Variants in ADAM10 observed in about 807,000 individuals in gnomAD.
ADAM10 encodes ADAM metallopeptidase domain 10.
In ADAM10, 17 loss-of-function variants were observed where a neutral mutation model predicts 90.1. The observed-to-expected ratio is 0.19, with a 90% CI of 0.13 to 0.28. The LOEUF (loss-of-function observed/expected upper bound fraction) is 0.28, where lower values mean the gene tolerates loss of function less well. Among genes scored for constraint, ADAM10 ranks in the 10% least tolerant of loss-of-function variants. The pLI is 1.00. For synonymous variants in ADAM10, 310 were observed against 298.6 expected (o/e 1.04, Z -0.40); for missense variants, 610 against 914.3 (o/e 0.67, Z 4.29).
At chr15:58,637,828 C>G (rs1227662896) in intron 8 of ADAM10, among the ~76,000 whole-genome samples, 1 of 151,956 alleles carries the variant, frequency 6.6e-6, no homozygotes, top group Non-Finnish European at 1.5e-5. Context: ...TTAGGTTGGT[C>G]ACAAAGTTTC....
Position 58,597,580 on chromosome 15 carries a change from T to C in ADAM10, c.2214A>G (p.Arg738=). Residue 738 remains arginine, a synonymous_variant, in exon 16 of 16, where the codon CGA becomes CGG. Transcript: ENST00000260408. The part of the protein sequence containing the change: ...PIQQPQRQRP[R]ESYQMGHMRR ...TCATGTGTCCCATTTGATAACTCTC[T>C]CGGGGCCGCTGACGCTGGGGTTGCT... 2 of 1,614,124 alleles carry C rather than the reference T, an allele frequency of 1.2e-6. No homozygotes were observed. Among genetic ancestry groups the C allele is most frequent in the Non-Finnish European group, 1.7e-6 (2 of 1,180,020 alleles).
intron 4 of ADAM10, among the ~76,000 whole-genome samples, chr15:58,675,166 C>A (rs1313221232): frequency 1.3e-5 from 2 of 152,196 alleles, no homozygotes; most frequent in African/African-American, 4.8e-5. Context: ...CCACTGCACT[C>A]CAGCCTGGGC....
intron 1 of ADAM10, among the ~76,000 whole-genome samples, chr15:58,746,934 C>T (rs1267813190): frequency 2.6e-5 from 4 of 152,196 alleles, no homozygotes; most frequent in Non-Finnish European, 5.9e-5. Flanking sequence ...GAAAGTTTAA[C>T]TGCTTAAGCT....
chr15:58,625,659 T>C (rs1566971607), intron 10 of ADAM10, among the ~76,000 whole-genome samples: 2 of 152,190 alleles, frequency 1.3e-5, no homozygotes, highest in South Asian at 4.1e-4. Flanking sequence ...TGGGAGCATT[T>C]ATCTCAAAGT....
intron 5 of ADAM10, among the ~76,000 whole-genome samples, chr15:58,656,789 T>TATACCATCATATAA (rs1896839720): frequency 6.6e-6 from 1 of 152,196 alleles, no homozygotes. Context: ...ACCAATGAGT[T>TATACCATCATATAA]TTGTACCATC....
At chr15:58,690,256 A>C (rs12442956) in intron 2 of ADAM10, among the ~76,000 whole-genome samples, 40 of 152,022 alleles carry the variant, frequency 2.6e-4, no homozygotes, top group African/African-American at 9.2e-4. Context: ...ATAAAATGCA[A>C]CTACAAACTC....
At chr15:58,711,512 T>C (rs1898472352) in intron 2 of ADAM10, among the ~76,000 whole-genome samples, 1 of 152,170 alleles carries the variant, frequency 6.6e-6, no homozygotes, top group Admixed American at 6.5e-5. Flanking sequence ...ACACTACTCC[T>C]TTCTCCATCC....
At chr15:58,640,685 A>T in intron 8 of ADAM10, 92 bp downstream of exon 8, 1 of 1,215,876 alleles carries the variant, frequency 8.2e-7, no homozygotes, top group Non-Finnish European at 1.2e-6. Flanking sequence ...TACAGGCATC[A>T]CTTTCTCCTA....
At chr15:58,649,482 C>T (rs1896630967) in intron 5 of ADAM10, among the ~76,000 whole-genome samples, 1 of 152,094 alleles carries the variant, frequency 6.6e-6, no homozygotes, top group South Asian at 2.1e-4. Flanking sequence ...GCAATCTTTT[C>T]AACAGGAAAA....
At chr15:58,740,544 T>C (rs1465922627) in intron 1 of ADAM10, among the ~76,000 whole-genome samples, 1 of 152,212 alleles carries the variant, frequency 6.6e-6, no homozygotes, top group African/African-American at 2.4e-5. Flanking sequence ...GCGTTTTAAC[T>C]ACACTTTACA....
intron 10 of ADAM10, among the ~76,000 whole-genome samples, chr15:58,627,172 C>A (rs1394095578): frequency 6.6e-6 from 1 of 152,010 alleles, no homozygotes; most frequent in African/African-American, 2.4e-5. Context: ...CAGCCTTCCA[C>A]AGAAGGGTAT....
intron 8 of ADAM10, 136 bp from the exon 9 acceptor site, chr15:58,633,495 G>A (rs1896158020): frequency 1.3e-6 from 1 of 755,450 alleles, no homozygotes; most frequent in Non-Finnish European, 2.1e-6. Context: ...TATCACATAT[G>A]CAAAAGTTTC....
chr15:58,729,953 C>T, intron 1 of ADAM10, among the ~76,000 whole-genome samples: 1 of 133,296 alleles, frequency 7.5e-6, no homozygotes, highest in East Asian at 2.8e-4. Context: ...CAGAACGAGG[C>T]TCTGTAAAAA....
At position 58,647,805 on chromosome 15, in the gene ADAM10, A is replaced by G. The variant is rs1299346889; in HGVS notation, c.586-1601T>C. 3.9e-5 allele frequency among the ~76,000 whole-genome samples: 6 copies of G among 152,272 alleles called. No individual in the cohort carries two copies. In the East Asian group the frequency reaches 1.2e-3, roughly 29 times the overall value. On this transcript the variant is annotated intron_variant, in intron 5 of 15. Coordinates refer to ENST00000260408, the MANE Select transcript of ADAM10 (RefSeq NM_001110.4). ...TGGTCTCAAGTAATCCTCCTGTCTC[A>G]GCTTCCCGAAGTACTGGGATTACAG...
intron 8 of ADAM10, among the ~76,000 whole-genome samples, chr15:58,636,163 G>C (rs1160695975): frequency 6.6e-6 from 1 of 151,928 alleles, no homozygotes; most frequent in East Asian, 1.9e-4. Flanking sequence ...TGTAATCCCA[G>C]CTACTCAGGA....
intron 4 of ADAM10, 115 bp downstream of exon 4, chr15:58,679,009 C>T (rs1442189017): frequency 9.4e-7 from 1 of 1,060,416 alleles, no homozygotes; most frequent in Non-Finnish European, 1.4e-6. Flanking sequence ...AAACTATGTT[C>T]TAGCCTGATT....
At chr15:58,700,349 G>A (rs1461727575) in intron 2 of ADAM10, among the ~76,000 whole-genome samples, 4 of 152,172 alleles carry the variant, frequency 2.6e-5, no homozygotes, top group African/African-American at 4.8e-5. Context: ...GAAACAAAAC[G>A]TTTCAACAAA....
chr15:58,689,280 G>A (rs1246556589), intron 2 of ADAM10, among the ~76,000 whole-genome samples: 1 of 152,166 alleles, frequency 6.6e-6, no homozygotes, highest in Non-Finnish European at 1.5e-5. Context: ...TAGCTTAGGA[G>A]TTCGAGACCA....
At position 58,725,596 on chromosome 15, in the gene ADAM10, C is replaced by T. The variant is rs1325386921; in HGVS notation, c.56-7869G>A. ...AAACAAAAACCACATAAAGGCATGT[C>T]ATAAGCTAATGACTAAAAACTAGGG... On this transcript the variant is annotated intron_variant, in intron 1 of 15. Transcript: ENST00000260408. 3.3e-5 allele frequency among the ~76,000 whole-genome samples: 5 copies of T among 151,402 alleles called. No homozygotes were observed. The East Asian group carries it at 9.7e-4, about 29-fold the overall frequency.
Sources: allele counts gnomAD v4.1 joint callset (sites outside exome capture counted in the v4.1 genomes callset), GRCh38; gene constraint gnomAD v4.1.1; transcripts MANE v1.5; gene names NCBI Gene and HGNC (gene_info 2026-07-23, HGNC 2026-07-21).